Variants in SCARB2 observed in about 807,000 individuals in gnomAD.
The protein encoded by SCARB2 is lysosome membrane protein 2.
Under a neutral mutation model 58.6 loss-of-function variants are expected in SCARB2, and 29 were observed. The observed-to-expected ratio is 0.49, with a 90% CI of 0.37 to 0.67. The LOEUF (loss-of-function observed/expected upper bound fraction) is 0.67. SCARB2 is among the 30% of genes least tolerant of loss of function. SCARB2 has a pLI of 0.00. For missense variants in SCARB2, 488 were observed against 578.5 expected, an observed-to-expected ratio of 0.84 and a Z score of 1.60; for synonymous variants, 195 against 210.1, an observed-to-expected ratio of 0.93 and a Z score of 0.62.
At chr4:76,198,122 A>G (rs1732752469) in intron 1 of SCARB2, among the ~76,000 whole-genome samples, 1 of 152,194 alleles carries the variant, frequency 6.6e-6, no homozygotes, top group African/African-American at 2.4e-5. Context: ...TTCTCTTCCT[A>G]TTACTGTCAG....
intron 11 of SCARB2, 176 bp downstream of exon 11, chr4:76,163,049 C>T (rs755814199): frequency 5.4e-6 from 4 of 743,956 alleles, no homozygotes; most frequent in South Asian, 1.7e-5. Context: ...TTCTTTGACA[C>T]ACTTCCTTTG....
intron 1 of SCARB2, among the ~76,000 whole-genome samples, chr4:76,198,092 C>G (rs1289304365): frequency 6.6e-6 from 1 of 152,180 alleles, no homozygotes; most frequent in East Asian, 1.9e-4. Context: ...CAGCCGCCCC[C>G]ACTCTCGACT....
At position 76,176,229 on chromosome 4, in the gene SCARB2, C is replaced by T. The variant is rs1335568199; in HGVS notation, c.704+208G>A. ...CACTGGCCTGTAATTCATGCCTGGC[C>T]ATGATAAATCTACAAATCACTAATA... is the stretch of plus-strand genomic sequence containing the variant. On this transcript the variant is annotated intron_variant, in intron 5 of 11. Coordinates refer to ENST00000264896, the MANE Select transcript of SCARB2 (RefSeq NM_005506.4). 3.3e-5 allele frequency: 20 copies of T among 605,956 alleles called. No individual in the cohort carries two copies. In the East Asian group the frequency reaches 5.6e-4, roughly 17 times the overall value. 37.5% of individuals were successfully genotyped at this position (605,956 alleles called of 1,614,324 possible).
chr4:76,205,071 A>G lies in SCARB2; in HGVS notation c.117+8356T>C, dbSNP rs138508221. Among the ~76,000 whole-genome samples, 48 of 152,298 alleles carry G rather than the reference A, an allele frequency of 3.2e-4. 1 individual carries two copies. The East Asian group carries it at 9.3e-3, about 29-fold the overall frequency. On this transcript the variant is annotated intron_variant, in intron 1 of 11. Coordinates refer to ENST00000264896, the MANE Select transcript of SCARB2 (RefSeq NM_005506.4). The stretch of plus-strand genomic sequence containing the variant: ...CCAGGCACAGTGGCTCACGCCTGTA[A>G]TCCCAGCACTTTAGGAGGCAAAGGT...
upstream of SCARB2, chr4:76,214,149 G>A (rs1055939382): frequency 2.2e-6 from 1 of 447,044 alleles, no homozygotes; most frequent in African/African-American, 2.0e-5. Flanking sequence ...CATGGGCCAC[G>A]CGCTGGGGAT....
At chr4:76,212,884 G>A (rs1412704265) in intron 1 of SCARB2, among the ~76,000 whole-genome samples, 1 of 152,208 alleles carries the variant, frequency 6.6e-6, no homozygotes, top group African/African-American at 2.4e-5. Context: ...CTAAGTCAGC[G>A]TTCAGCAAAG....
chr4:76,204,007 C>T (rs1423537892), intron 1 of SCARB2, among the ~76,000 whole-genome samples: 1 of 152,166 alleles, frequency 6.6e-6, no homozygotes, highest in Admixed American at 6.5e-5. Context: ...ACTTAAGCAT[C>T]CATGTTGCCA....
At chr4:76,213,232 G>T in intron 1 of SCARB2, 195 bp downstream of exon 1, 1 of 639,012 alleles carries the variant, frequency 1.6e-6, no homozygotes, top group East Asian at 2.8e-5. Flanking sequence ...ACTGTAAAGG[G>T]AACAGAGTCG....
chr4:76,174,526 T>C (rs970584003), intron 6 of SCARB2: 3 of 558,684 alleles, frequency 5.4e-6, no homozygotes, highest in Admixed American at 6.0e-5. Flanking sequence ...AACGGTGATA[T>C]CATCCAAACA....
At chr4:76,179,144 C>T (rs1732326254) in intron 4 of SCARB2, 1 of 271,166 alleles carries the variant, frequency 3.7e-6, no homozygotes, top group Non-Finnish European at 7.2e-6. Context: ...ACCTCTGCCT[C>T]CTGGGTTCAT....
At chr4:76,216,838 TA>T (rs1195522416), upstream of SCARB2, among the ~76,000 whole-genome samples, 1 of 152,238 alleles carries the variant, frequency 6.6e-6, no homozygotes, top group Non-Finnish European at 1.5e-5. Flanking sequence ...AAAAAGGACC[TA>T]ATTACAGAAA....
At chr4:76,190,848 T>C (rs1273837312) in intron 2 of SCARB2, among the ~76,000 whole-genome samples, 1 of 152,120 alleles carries the variant, frequency 6.6e-6, no homozygotes, top group East Asian at 1.9e-4. Flanking sequence ...AATTATGCTG[T>C]CTAATAGGGT....
chr4:76,216,830 A>G (rs1195072191), upstream of SCARB2, among the ~76,000 whole-genome samples: 1 of 152,250 alleles, frequency 6.6e-6, no homozygotes. Flanking sequence ...GACAGAACAA[A>G]AAGGACCTAA....
intron 1 of SCARB2, among the ~76,000 whole-genome samples, chr4:76,229,676 T>A (rs1733460023): frequency 6.6e-6 from 1 of 152,222 alleles, no homozygotes; most frequent in Non-Finnish European, 1.5e-5. Context: ...ACCTGATTCC[T>A]GTGATGTGAT....
chr4:76,220,245 G>A (rs1348138205), intron 1 of SCARB2, among the ~76,000 whole-genome samples: 1 of 152,128 alleles, frequency 6.6e-6, no homozygotes, highest in Non-Finnish European at 1.5e-5. Context: ...TAGTCAAAAG[G>A]TGGAACCGAC....
Position 76,213,557 on chromosome 4 carries a change from C to T in SCARB2, c.-14G>A, listed in dbSNP as rs1560723582. The T allele has an allele frequency of 6.3e-7, 1 of 1,596,672 alleles. No homozygotes were observed. Among genetic ancestry groups the T allele is most frequent in the Admixed American group, 1.7e-5 (1 of 57,848 alleles). On this transcript the variant is annotated 5_prime_UTR_variant, in exon 1 of 12. Transcript: ENST00000264896. ...GCATCGGCCCATTCTGTGCGCCGCT[C>T]ACGGGCCGGGCCGGGCCGCACCCGC...
At chr4:76,209,737 G>C (rs966245162) in intron 1 of SCARB2, among the ~76,000 whole-genome samples, 1 of 152,220 alleles carries the variant, frequency 6.6e-6, no homozygotes, top group Non-Finnish European at 1.5e-5. Flanking sequence ...AAACCAGCTG[G>C]TACTGACTTG....
At position 76,162,912 on chromosome 4, in the gene SCARB2, T is replaced by G. The variant is rs868056076; in HGVS notation, c.1398+313A>C. 2.1e-4 allele frequency: 114 copies of G among 552,002 alleles called. No individual in the cohort carries two copies. In the Middle Eastern group the frequency reaches 2.9e-3, roughly 14 times the overall value. 34.2% of individuals were successfully genotyped at this position (552,002 alleles called of 1,614,324 possible). A position where few individuals can be genotyped will look rare whatever the true frequency, so the allele number is the denominator to read the frequency against. On this transcript the variant is annotated intron_variant, in intron 11 of 11. Transcript: ENST00000264896. The stretch of plus-strand genomic sequence containing the variant: ...AGTCTGACACCAAAGATCAGATGTG[T>G]AACTGTTATATATTCTTCCTTTTCT...
intron 7 of SCARB2, chr4:76,172,643 G>C (rs914402237): frequency 4.0e-5 from 6 of 151,478 alleles, no homozygotes; most frequent in Non-Finnish European, 8.8e-5. Context: ...GAGGTATACT[G>C]CTGACTTCAG....
Sources: gnomAD v4.1 joint callset for allele counts (sites outside exome capture counted in the v4.1 genomes callset) on GRCh38, gnomAD v4.1.1 for gene constraint, MANE v1.5 for transcripts, NCBI Gene and HGNC (gene_info 2026-07-23, HGNC 2026-07-21) for gene names.